Variants in ERCC1 observed in about 807,000 individuals in gnomAD.
ERCC1 encodes DNA excision repair protein ERCC-1.
In ERCC1, 36 loss-of-function variants were observed where a neutral mutation model predicts 37.6. That is an observed-to-expected ratio of 0.96 (90% CI 0.73 to 1.26). The LOEUF is 1.26. Ranked by LOEUF, ERCC1 falls within the 50% of genes most tolerant of loss-of-function variation. The pLI is 0.00. For missense variants in ERCC1, 349 were observed against 376.5 expected (o/e 0.93, Z 0.60); for synonymous variants, 156 against 162.1 (o/e 0.96, Z 0.28).
chr19:45,431,620 T>C (rs1974832239), intron 1 of ERCC1, among the ~76,000 whole-genome samples: 1 of 148,608 alleles, frequency 6.7e-6, no homozygotes, highest in African/African-American at 2.5e-5. Flanking sequence ...GAGGCTGCAA[T>C]GAGCCAAGAT....
At chr19:45,450,099 G>A (rs1967067755) in intron 1 of ERCC1, among the ~76,000 whole-genome samples, 1 of 152,168 alleles carries the variant, frequency 6.6e-6, no homozygotes, top group Non-Finnish European at 1.5e-5. Context: ...TTCTAGGGGT[G>A]GGTGATGTTA....
chr19:45,425,471 C>T (rs1351194569), upstream of ERCC1, among the ~76,000 whole-genome samples: 1 of 151,952 alleles, frequency 6.6e-6, no homozygotes, highest in African/African-American at 2.4e-5. Flanking sequence ...TCACTGCAAC[C>T]TCCGCCACCC....
intron 8 of ERCC1, 102 bp downstream of exon 8, chr19:45,413,861 C>T (rs1568577521): frequency 1.0e-5 from 16 of 1,576,910 alleles, no homozygotes; most frequent in South Asian, 4.4e-5. Flanking sequence ...GAAGGCAGGA[C>T]GGGCAAGGGG....
intron 9 of ERCC1, among the ~76,000 whole-genome samples, chr19:45,412,069 C>T (rs555280523): frequency 6.6e-6 from 1 of 151,898 alleles, no homozygotes; most frequent in South Asian, 2.1e-4. Flanking sequence ...CCATGTTAGC[C>T]ATGATGGTCT....
At chr19:45,445,948 G>A (rs1454076105) in intron 1 of ERCC1, among the ~76,000 whole-genome samples, 1 of 152,112 alleles carries the variant, frequency 6.6e-6, no homozygotes, top group African/African-American at 2.4e-5. Flanking sequence ...GAGTGCAATG[G>A]CGTGGTCTCG....
chr19:45,446,996 TA>T (rs35144251), intron 1 of ERCC1, among the ~76,000 whole-genome samples: 118 of 150,624 alleles, frequency 7.8e-4, no homozygotes, highest in African/African-American at 2.7e-3. Flanking sequence ...AGACTCTGTC[TA>T]AAAAAAAAGA....
Position 45,414,876 on chromosome 19 carries a change from C to G in ERCC1, c.687G>C (p.Gln229His). ...GTGGCCTCACCCGGGAGACGAAGTC[C>G]TGCTCTAGCTTCTCCATCAGGAGGT... ...PADLLMEKLEQDFVSRVTECL... is the reference protein window; with the variant it reads ...PADLLMEKLEHDFVSRVTECL... Residue 229 changes from glutamine to histidine, a missense_variant, in exon 7 of 10, where the codon CAG (glutamine) becomes CAC (histidine). By Grantham distance (24) the Gln-to-His change is conservative. Transcript: ENST00000300853. 1 of 1,613,504 alleles carries G rather than the reference C, an allele frequency of 6.2e-7. No homozygotes were observed. Among genetic ancestry groups the G allele is most frequent in the Non-Finnish European group, 8.5e-7 (1 of 1,179,522 alleles).
intron 1 of ERCC1, among the ~76,000 whole-genome samples, chr19:45,431,903 T>G (rs1974842422): frequency 2.0e-5 from 3 of 152,106 alleles, no homozygotes; most frequent in African/African-American, 7.2e-5. Context: ...AAAAAATTTT[T>G]TTTTATTTTG....
intron 9 of ERCC1, chr19:45,410,604 A>AT (rs1160505511): frequency 6.8e-5 from 5 of 73,106 alleles, no homozygotes; most frequent in African/African-American, 3.5e-4. Flanking sequence ...TGTGGTACCC[A>AT]TTAACCTTCC....
At chr19:45,444,788 C>T (rs1455574849) in intron 1 of ERCC1, among the ~76,000 whole-genome samples, 1 of 152,178 alleles carries the variant, frequency 6.6e-6, no homozygotes, top group African/African-American at 2.4e-5. Context: ...CCGGCAGGGA[C>T]GCCCCTGATG....
At chr19:45,451,508 C>T (rs762597131) in intron 1 of ERCC1, among the ~76,000 whole-genome samples, 30 of 152,208 alleles carry the variant, frequency 2.0e-4, no homozygotes, top group Non-Finnish European at 4.0e-4. Flanking sequence ...AAGAGACAGG[C>T]AGCCCGTGGT....
At position 45,409,130 on chromosome 19, in the gene ERCC1, A is replaced by G; in HGVS notation, c.*545T>C. The G allele has an allele frequency of 6.2e-7, 1 of 1,613,210 alleles. No individual in the cohort carries two copies. The highest frequency in any genetic ancestry group is 1.1e-5 in the South Asian group (1 of 91,008). ...TCTGGCAGCTCCCAAAAAGAAGACG[A>G]AGAAAGAAAAACAGCAAGATGCCAC... is the stretch of plus-strand genomic sequence containing the variant. On this transcript the variant is annotated 3_prime_UTR_variant, in exon 10 of 10. Coordinates refer to ENST00000300853, the MANE Select transcript of ERCC1 (RefSeq NM_001983.4).
intron 1 of ERCC1, 141 bp from the exon 2 acceptor site, chr19:45,423,522 G>A: frequency 2.1e-6 from 3 of 1,462,578 alleles, no homozygotes; most frequent in Admixed American, 2.4e-5. Flanking sequence ...AGCGCTAGAG[G>A]CTCTGTAACG....
intron 9 of ERCC1, among the ~76,000 whole-genome samples, chr19:45,411,868 CTTTT>C (rs2123456205): frequency 6.7e-6 from 1 of 149,092 alleles, no homozygotes; most frequent in East Asian, 2.1e-4. Flanking sequence ...TTTTGGTTTT[CTTTT>C]TTGAGATGGA....
At chr19:45,441,592 C>G (rs1975120182) in intron 1 of ERCC1, among the ~76,000 whole-genome samples, 1 of 151,966 alleles carries the variant, frequency 6.6e-6, no homozygotes, top group South Asian at 2.1e-4. Flanking sequence ...CCAGGCTGGT[C>G]TCAAACTCCT....
chr19:45,412,735 C>CTT (rs1158971292), intron 9 of ERCC1, among the ~76,000 whole-genome samples: 3 of 139,898 alleles, frequency 2.1e-5, no homozygotes, highest in Non-Finnish European at 4.7e-5. Context: ...GCCTTTTATT[C>CTT]TTTTTTTTTT....
chr19:45,450,901 C>G (rs867328120), intron 1 of ERCC1, among the ~76,000 whole-genome samples: 14 of 96,446 alleles, frequency 1.5e-4, no homozygotes, highest in East Asian at 5.7e-4. Flanking sequence ...CCCCCCCCCC[C>G]CCCCACGCCC....
At chr19:45,450,887 G>GCCCCCCCCCCCC (rs56670394) in intron 1 of ERCC1, among the ~76,000 whole-genome samples, 1 of 59,382 alleles carries the variant, frequency 1.7e-5, no homozygotes. Context: ...CCGTGCGCCC[G>GCCCCCCCCCCCC]CCCCCCCCCC....
intron 9 of ERCC1, among the ~76,000 whole-genome samples, chr19:45,411,821 G>C (rs1413787800): frequency 1.3e-5 from 2 of 150,298 alleles, no homozygotes; most frequent in African/African-American, 2.5e-5. Flanking sequence ...CATTTTAATA[G>C]AGCTGAGATG....
Sources: allele counts gnomAD v4.1 joint callset (sites outside exome capture counted in the v4.1 genomes callset), GRCh38; gene constraint gnomAD v4.1.1; transcripts MANE v1.5; gene names NCBI Gene and HGNC (gene_info 2026-07-23, HGNC 2026-07-21).